Variants in GABRR3 observed in about 807,000 individuals in gnomAD.
The protein encoded by GABRR3 is gamma-aminobutyric acid receptor subunit rho-3.
Under a neutral mutation model 43.2 loss-of-function variants are expected in GABRR3, and 29 were observed. The observed-to-expected ratio is 0.67, with a 90% CI of 0.50 to 0.92. The LOEUF (loss-of-function observed/expected upper bound fraction) is 0.92. GABRR3 is among the 40% of genes least tolerant of loss of function. The pLI is 0.00. For synonymous variants in GABRR3, 206 were observed against 195.9 expected (o/e 1.05, Z -0.43); for missense variants, 576 against 572.3 (o/e 1.01, Z -0.07).
intron 8 of GABRR3, chr3:97,999,348 A>G (rs1706602296): frequency 6.6e-6 from 1 of 152,134 alleles, no homozygotes; most frequent in African/African-American, 2.4e-5. Flanking sequence ...TCATCCAGCT[A>G]CAGGTCTGTT....
intron 8 of GABRR3, 42 bp downstream of exon 8, chr3:98,001,573 T>TA: frequency 6.2e-7 from 1 of 1,607,920 alleles, no homozygotes; most frequent in Non-Finnish European, 8.5e-7. Flanking sequence ...CCCTTGAACT[T>TA]TCTCCCATGT....
chr3:98,003,110 A>C (rs940773853), intron 7 of GABRR3, among the ~76,000 whole-genome samples: 2 of 152,194 alleles, frequency 1.3e-5, no homozygotes, highest in African/African-American at 4.8e-5. Context: ...CACATAGTAC[A>C]TTATAAAGTT....
At chr3:98,012,701 A>C (rs376488588) in intron 4 of GABRR3, 134 bp from the exon 5 acceptor site, 11 of 625,852 alleles carry the variant, frequency 1.8e-5, no homozygotes, top group African/African-American at 1.1e-4. Flanking sequence ...TTGTAGTTTC[A>C]AGTAGATCTA....
exon 10 of GABRR3, chr3:97,986,892 G>A (rs370254886): frequency 1.4e-5 from 23 of 1,611,602 alleles, no homozygotes; most frequent in Non-Finnish European, 2.0e-5. Context: ...TTTAGAGAGA[G>A]GGAAGTCTGG....
At chr3:98,031,637 G>A (rs1707087644) in intron 2 of GABRR3, among the ~76,000 whole-genome samples, 3 of 152,096 alleles carry the variant, frequency 2.0e-5, no homozygotes, top group Non-Finnish European at 4.4e-5. Context: ...CAGCTACTTG[G>A]GAGGTTGAGG....
intron 7 of GABRR3, among the ~76,000 whole-genome samples, chr3:98,006,524 A>G (rs1414805350): frequency 6.6e-6 from 1 of 152,202 alleles, no homozygotes; most frequent in African/African-American, 2.4e-5. Context: ...CAGGTTTTAG[A>G]TACAAACTTG....
At chr3:98,002,128 T>C (rs1381851889) in intron 7 of GABRR3, among the ~76,000 whole-genome samples, 1 of 152,050 alleles carries the variant, frequency 6.6e-6, no homozygotes, top group African/African-American at 2.4e-5. Flanking sequence ...AAAGAACCAA[T>C]AAACCATTTA....
chr3:98,003,743 A>G (rs532550513), intron 7 of GABRR3, among the ~76,000 whole-genome samples: 160 of 152,226 alleles, frequency 1.1e-3, no homozygotes, highest in African/African-American at 3.7e-3. Context: ...CAAACCATGC[A>G]TCTTGTCCTA....
intron 2 of GABRR3, among the ~76,000 whole-genome samples, chr3:98,030,465 T>C (rs893471155): frequency 1.3e-5 from 2 of 152,136 alleles, no homozygotes; most frequent in Admixed American, 6.5e-5. Context: ...AAATACAAAA[T>C]GGTTTCTATG....
intron 9 of GABRR3, among the ~76,000 whole-genome samples, chr3:97,987,614 G>A (rs1047985052): frequency 6.6e-6 from 1 of 152,148 alleles, no homozygotes; most frequent in Non-Finnish European, 1.5e-5. Flanking sequence ...CAGAATAAAT[G>A]CTGCCAAAAC....
At chr3:98,033,532 G>C (rs537817509) in intron 2 of GABRR3, among the ~76,000 whole-genome samples, 14 of 152,182 alleles carry the variant, frequency 9.2e-5, no homozygotes, top group African/African-American at 3.4e-4. Flanking sequence ...TAGTGGGTTG[G>C]TGTGATGAAT....
At chr3:97,992,448 G>T (rs1706480832) in intron 9 of GABRR3, among the ~76,000 whole-genome samples, 2 of 152,266 alleles carry the variant, frequency 1.3e-5, no homozygotes, top group Non-Finnish European at 1.5e-5. Context: ...ACCTTGGTGT[G>T]AGAGTTCACT....
chr3:98,007,341 A>G (rs926596276), intron 7 of GABRR3, among the ~76,000 whole-genome samples: 1 of 152,056 alleles, frequency 6.6e-6, no homozygotes, highest in Non-Finnish European at 1.5e-5. Context: ...AGGCAAGCAA[A>G]AACGCCAGTG....
intron 4 of GABRR3, among the ~76,000 whole-genome samples, chr3:98,015,591 TA>T (rs1455018823): frequency 6.6e-6 from 1 of 152,224 alleles, no homozygotes; most frequent in Non-Finnish European, 1.5e-5. Context: ...AACATATTCA[TA>T]AGCTGCATCT....
chr3:98,034,682 G>T, intron 2 of GABRR3, 181 bp downstream of exon 2: 1 of 257,684 alleles, frequency 3.9e-6, no homozygotes, highest in Non-Finnish European at 6.1e-6. Context: ...CCAAGATATT[G>T]CTCTTTCGGA....
chr3:98,033,689 TG>T (rs1474751912), intron 2 of GABRR3, among the ~76,000 whole-genome samples: 11 of 152,080 alleles, frequency 7.2e-5, no homozygotes, highest in African/African-American at 2.4e-4. Flanking sequence ...ATAAGCTATA[TG>T]AAAAAAAATA....
intron 2 of GABRR3, 125 bp downstream of exon 2, chr3:98,034,738 G>C: frequency 8.5e-7 from 1 of 1,174,264 alleles, no homozygotes; most frequent in East Asian, 2.4e-5. Context: ...GCTATCTCTA[G>C]AGACAGACAT....
chr3:98,014,997 T>C (rs959802012), intron 4 of GABRR3, among the ~76,000 whole-genome samples: 32 of 152,204 alleles, frequency 2.1e-4, no homozygotes, highest in African/African-American at 6.8e-4. Flanking sequence ...TTCTAAAGCA[T>C]ATATAAAAAC....
At chr3:98,019,167 G>A (rs976595508) in intron 3 of GABRR3, among the ~76,000 whole-genome samples, 2 of 151,768 alleles carry the variant, frequency 1.3e-5, no homozygotes, top group African/African-American at 4.8e-5. Context: ...AAGAAAAGAA[G>A]ATAAAAGAAA....
Sources: gnomAD v4.1 joint callset for allele counts (sites outside exome capture counted in the v4.1 genomes callset) on GRCh38, gnomAD v4.1.1 for gene constraint, MANE v1.5 for transcripts, NCBI Gene and HGNC (gene_info 2026-07-23, HGNC 2026-07-21) for gene names.